The following KIAA1217 variants were observed in gnomAD, a reference collection of about 807,000 sequenced individuals.
The protein encoded by KIAA1217 is KIAA1217.
In KIAA1217, 88 loss-of-function variants were observed where a neutral mutation model predicts 163.9. The observed-to-expected ratio is 0.54, with a 90% CI of 0.45 to 0.64. The LOEUF (loss-of-function observed/expected upper bound fraction) is 0.64, where lower values mean the gene tolerates loss of function less well. Among genes scored for constraint, KIAA1217 ranks in the 30% least tolerant of loss-of-function variants. KIAA1217 has a pLI of 0.00. For missense variants in KIAA1217, 2,372 were observed against 2,475.0 expected (o/e 0.96, Z 0.88); for synonymous variants, 903 against 923.1 (o/e 0.98, Z 0.39).
chr10:24,479,996 G>T (rs1463123966), intron 6 of KIAA1217, among the ~76,000 whole-genome samples: 1 of 152,120 alleles, frequency 6.6e-6, no homozygotes, highest in South Asian at 2.1e-4. Context: ...TGCCACGTGG[G>T]GGATCACATT....
At chr10:24,336,774 T>C (rs1304962638) in intron 2 of KIAA1217, among the ~76,000 whole-genome samples, 1 of 152,214 alleles carries the variant, frequency 6.6e-6, no homozygotes, top group East Asian at 1.9e-4. Context: ...ATACTCAAAT[T>C]ATTTTCAACA....
intron 2 of KIAA1217, among the ~76,000 whole-genome samples, chr10:24,342,802 A>G (rs2047262869): frequency 6.6e-6 from 1 of 151,672 alleles, no homozygotes; most frequent in Non-Finnish European, 1.5e-5. Context: ...GGGACTACAG[A>G]TGCATGCCAC....
intron 2 of KIAA1217, among the ~76,000 whole-genome samples, chr10:24,143,223 C>G (rs2064162346): frequency 6.6e-6 from 1 of 152,186 alleles, no homozygotes. Flanking sequence ...GACACCACAG[C>G]TGCAGTGATC....
At chr10:24,111,159 G>A (rs185440061) in intron 2 of KIAA1217, among the ~76,000 whole-genome samples, 1 of 152,216 alleles carries the variant, frequency 6.6e-6, no homozygotes, top group East Asian at 1.9e-4. Flanking sequence ...TCATTACCAT[G>A]CAGAAGCCAA....
intron 5 of KIAA1217, among the ~76,000 whole-genome samples, chr10:24,457,566 T>G (rs553002367): frequency 3.3e-5 from 5 of 152,218 alleles, no homozygotes; most frequent in Admixed American, 3.3e-4. Context: ...TGGCTAATTT[T>G]TTAAATTTTA....
At chr10:24,158,223 A>G (rs1419939294) in intron 2 of KIAA1217, 2 of 732,468 alleles carry the variant, frequency 2.7e-6, no homozygotes, top group Non-Finnish European at 5.2e-6. Context: ...CTCCTGGAAC[A>G]GGGCAAAGTA....
chr10:23,742,252 A>AGT (rs1479694042), intron 1 of KIAA1217, among the ~76,000 whole-genome samples: 2 of 152,116 alleles, frequency 1.3e-5, no homozygotes, highest in African/African-American at 4.8e-5. Context: ...GATAGGGAGA[A>AGT]GTGTGAGGGG....
At chr10:23,812,914 C>A (rs1837140211) in intron 1 of KIAA1217, among the ~76,000 whole-genome samples, 1 of 152,066 alleles carries the variant, frequency 6.6e-6, no homozygotes. Flanking sequence ...CATTCATGTG[C>A]AACTTTTTGT....
chr10:24,454,465 A>G (rs1751385579), intron 5 of KIAA1217, among the ~76,000 whole-genome samples: 1 of 152,246 alleles, frequency 6.6e-6, no homozygotes. Flanking sequence ...CACCCTTGAT[A>G]GAGTAGGAAG....
At chr10:24,370,854 A>G (rs553612683) in intron 2 of KIAA1217, among the ~76,000 whole-genome samples, 2 of 152,310 alleles carry the variant, frequency 1.3e-5, no homozygotes, top group African/African-American at 4.8e-5. Flanking sequence ...CTGCAATTAT[A>G]GGTGTAAGCC....
chr10:23,932,827 C>G (rs1430873278), intron 1 of KIAA1217, among the ~76,000 whole-genome samples: 2 of 152,078 alleles, frequency 1.3e-5, no homozygotes, highest in Non-Finnish European at 2.9e-5. Flanking sequence ...TTAGAGCATC[C>G]TGGCCTTAAA....
chr10:24,103,864 A>G (rs115654425), intron 2 of KIAA1217, among the ~76,000 whole-genome samples: 350 of 152,332 alleles, frequency 2.3e-3, no homozygotes, highest in African/African-American at 8.1e-3. Context: ...TGGTGAATGA[A>G]TAGATAAATA....
chr10:23,968,027 A>G (rs1437836236), intron 1 of KIAA1217, among the ~76,000 whole-genome samples: 3 of 151,608 alleles, frequency 2.0e-5, no homozygotes, highest in Non-Finnish European at 2.9e-5. Flanking sequence ...TACATGTGCC[A>G]TGGTGGTTTG....
intron 1 of KIAA1217, among the ~76,000 whole-genome samples, chr10:23,779,413 T>C (rs999959417): frequency 2.0e-5 from 3 of 152,344 alleles, no homozygotes; most frequent in Admixed American, 1.3e-4. Flanking sequence ...GAAACCTCTT[T>C]AAGCTAGCTA....
intron 2 of KIAA1217, among the ~76,000 whole-genome samples, chr10:24,190,175 C>T (rs2066651243): frequency 6.6e-6 from 1 of 152,068 alleles, no homozygotes; most frequent in Admixed American, 6.5e-5. Flanking sequence ...AGGCAAGATA[C>T]CTGTCACTTA....
chr10:24,235,994 G>C (rs556844736), intron 2 of KIAA1217, among the ~76,000 whole-genome samples: 2 of 152,216 alleles, frequency 1.3e-5, no homozygotes, highest in East Asian at 3.9e-4. Context: ...GGGTCAGCCT[G>C]AGTTCAAATC....
chr10:23,987,778 C>T (rs1016560406), intron 1 of KIAA1217, among the ~76,000 whole-genome samples: 1 of 152,044 alleles, frequency 6.6e-6, no homozygotes, highest in African/African-American at 2.4e-5. Context: ...ATCCTTTGAC[C>T]AACATCTTCC....
intron 3 of KIAA1217, among the ~76,000 whole-genome samples, chr10:24,407,337 C>T (rs895251307): frequency 4.6e-5 from 7 of 151,896 alleles, no homozygotes; most frequent in African/African-American, 1.7e-4. Flanking sequence ...TCTGTTGCCC[C>T]GGCTGGAGTA....
chr10:24,034,839 C>A (rs557089749), intron 2 of KIAA1217, among the ~76,000 whole-genome samples: 1 of 151,660 alleles, frequency 6.6e-6, no homozygotes, highest in Admixed American at 6.5e-5. Context: ...ATCTGCTCTT[C>A]AACACAGGAT....
Sources: gnomAD v4.1 joint callset for allele counts (sites outside exome capture counted in the v4.1 genomes callset) on GRCh38, gnomAD v4.1.1 for gene constraint, MANE v1.5 for transcripts, NCBI Gene and HGNC (gene_info 2026-07-23, HGNC 2026-07-21) for gene names.